GNAQ: variants seen among roughly 807,000 people sequenced by gnomAD.
The protein encoded by GNAQ is G protein subunit alpha q, also known as guanine nucleotide-binding protein G(q) subunit alpha.
Under a neutral mutation model 43.9 loss-of-function variants are expected in GNAQ, and 8 were observed. The ratio of observed to expected loss-of-function variants is 0.18; its 90% CI spans 0.11 to 0.33. The LOEUF is 0.33. GNAQ is among the 10% of genes least tolerant of loss of function. GNAQ has a pLI of 1.00. For missense variants in GNAQ, 158 were observed against 450.8 expected, an observed-to-expected ratio of 0.35 and a Z score of 5.88; for synonymous variants, 155 against 170.7, an observed-to-expected ratio of 0.91 and a Z score of 0.71.
chr9:77,773,925 A>T (rs1483906867), intron 5 of GNAQ, among the ~76,000 whole-genome samples: 1 of 152,176 alleles, frequency 6.6e-6, no homozygotes, highest in Non-Finnish European at 1.5e-5. Context: ...ATAGAATAAC[A>T]AAGCCACAGC....
chr9:77,842,125 A>AC (rs1456138672), intron 2 of GNAQ, among the ~76,000 whole-genome samples: 47 of 152,154 alleles, frequency 3.1e-4, no homozygotes, highest in Admixed American at 6.5e-5. Context: ...ATTAAGGTGA[A>AC]CTCCTTGACT....
At chr9:77,929,755 A>G (rs1829122677) in intron 1 of GNAQ, among the ~76,000 whole-genome samples, 2 of 152,136 alleles carry the variant, frequency 1.3e-5, no homozygotes, top group African/African-American at 4.8e-5. Context: ...AATTGAACCC[A>G]AGAGGCGAAA....
Position 77,766,698 on chromosome 9 carries a change from G to C in GNAQ, c.735+27765C>G, listed in dbSNP as rs200821916. On this transcript the variant is annotated intron_variant, in intron 5 of 6. Coordinates refer to ENST00000286548, the MANE Select transcript of GNAQ (RefSeq NM_002072.5). ...ATAGTGTTCAGATGCCTGGGTTGCT[G>C]TTATGCACCGTTTTTTGCTACCACA... 1.4e-4 allele frequency among the ~76,000 whole-genome samples: 21 copies of C among 152,244 alleles called. No homozygotes were observed. The East Asian group carries it at 3.5e-3, about 25-fold the overall frequency.
intron 2 of GNAQ, among the ~76,000 whole-genome samples, chr9:77,863,893 C>T (rs1827903186): frequency 6.6e-6 from 1 of 152,114 alleles, no homozygotes; most frequent in South Asian, 2.1e-4. Flanking sequence ...AGACCTGCCG[C>T]CATGATTCAA....
chr9:77,778,905 C>G (rs1450246303), intron 5 of GNAQ, among the ~76,000 whole-genome samples: 3 of 151,818 alleles, frequency 2.0e-5, no homozygotes, highest in African/African-American at 4.8e-5. Context: ...ATATCCCTAA[C>G]AAAAGAGCAT....
chr9:77,763,108 A>T lies in GNAQ; in HGVS notation c.735+31355T>A, dbSNP rs182366871. Among the ~76,000 whole-genome samples the T allele has an allele frequency of 4.8e-4, 66 of 137,400 alleles. No homozygotes were observed. The East Asian group carries it at 0.011, about 22-fold the overall frequency. The allele number at this position is 137,400 out of a possible 152,430, so 90.1% of individuals were successfully genotyped here. A position where few individuals can be genotyped will look rare whatever the true frequency, so the allele number is the denominator to read the frequency against. On this transcript the variant is annotated intron_variant, in intron 5 of 6. Coordinates refer to ENST00000286548, the MANE Select transcript of GNAQ (RefSeq NM_002072.5). ...AAGAATGATCAATAAAAATAAAATTAAAAAAAAACAAAAAAATAAACAAAC... is the reference window on the plus strand; with the variant it reads ...AAGAATGATCAATAAAAATAAAATTTAAAAAAAACAAAAAAATAAACAAAC...
chr9:77,755,601 A>G (rs1220524026), intron 5 of GNAQ, among the ~76,000 whole-genome samples: 1 of 152,178 alleles, frequency 6.6e-6, no homozygotes, highest in African/African-American at 2.4e-5. Context: ...CTAAGAAATT[A>G]TCTTCATTTT....
intron 1 of GNAQ, among the ~76,000 whole-genome samples, chr9:77,975,751 G>C (rs1388083200): frequency 6.8e-6 from 1 of 148,118 alleles, no homozygotes; most frequent in African/African-American, 2.4e-5. Context: ...TGTTGGCCAG[G>C]ATGGTTGATC....
intron 1 of GNAQ, among the ~76,000 whole-genome samples, chr9:77,995,100 T>G (rs1020383300): frequency 1.1e-4 from 17 of 152,354 alleles, no homozygotes; most frequent in African/African-American, 3.4e-4. Flanking sequence ...AACATTTACA[T>G]AATCCTTACC....
chr9:77,926,519 A>G (rs1301946458), intron 1 of GNAQ, among the ~76,000 whole-genome samples: 2 of 152,192 alleles, frequency 1.3e-5, no homozygotes, highest in Non-Finnish European at 2.9e-5. Context: ...TGACCAATCT[A>G]AAGAAATATG....
At chr9:77,784,370 T>G (rs1826442102) in intron 5 of GNAQ, among the ~76,000 whole-genome samples, 1 of 152,190 alleles carries the variant, frequency 6.6e-6, no homozygotes, top group Admixed American at 6.5e-5. Context: ...AATTCCCAAA[T>G]TACATAAACG....
chr9:77,903,813 G>T (rs1158507446), intron 2 of GNAQ, among the ~76,000 whole-genome samples: 1 of 152,092 alleles, frequency 6.6e-6, no homozygotes, highest in Non-Finnish European at 1.5e-5. Context: ...TGAACTGCCA[G>T]TTTTCTAACT....
At chr9:77,838,906 T>C (rs1239212920) in intron 2 of GNAQ, among the ~76,000 whole-genome samples, 1 of 152,102 alleles carries the variant, frequency 6.6e-6, no homozygotes, top group East Asian at 1.9e-4. Flanking sequence ...TAGATAGTCT[T>C]TGTGACTCTG....
chr9:77,755,656 A>G (rs577139224), intron 5 of GNAQ, among the ~76,000 whole-genome samples: 2 of 152,194 alleles, frequency 1.3e-5, no homozygotes, highest in Non-Finnish European at 2.9e-5. Context: ...TATTGACTTC[A>G]TAACAGCATT....
At chr9:77,840,779 G>T (rs915873042) in intron 2 of GNAQ, among the ~76,000 whole-genome samples, 5 of 152,304 alleles carry the variant, frequency 3.3e-5, no homozygotes, top group African/African-American at 9.6e-5. Flanking sequence ...CAATGTGTTT[G>T]TCTCTAGGGA....
intron 2 of GNAQ, among the ~76,000 whole-genome samples, chr9:77,913,545 G>A (rs2118226831): frequency 6.6e-6 from 1 of 152,266 alleles, no homozygotes; most frequent in Non-Finnish European, 1.5e-5. Flanking sequence ...AAAGTTCTGT[G>A]AGGCACTGCT....
chr9:77,816,317 CA>C (rs1827013921), intron 2 of GNAQ, among the ~76,000 whole-genome samples: 1 of 152,068 alleles, frequency 6.6e-6, no homozygotes, highest in Non-Finnish European at 1.5e-5. Context: ...TTAATCTGGA[CA>C]ACAATGACAA....
At chr9:77,785,473 C>T (rs1007675497) in intron 5 of GNAQ, among the ~76,000 whole-genome samples, 5 of 152,178 alleles carry the variant, frequency 3.3e-5, no homozygotes, top group African/African-American at 1.2e-4. Flanking sequence ...GAAGCTAATA[C>T]AGGCAGTATC....
Position 78,031,732 on chromosome 9 carries a change from C to A in GNAQ, c.-497G>T, listed in dbSNP as rs2118635027. Among the ~76,000 whole-genome samples, 1 of 147,940 alleles carries A rather than the reference C, an allele frequency of 6.8e-6. No individual in the cohort carries two copies. The highest frequency in any genetic ancestry group is 2.4e-5 in the African/African-American group (1 of 41,052). On this transcript the variant is annotated 5_prime_UTR_variant, in exon 1 of 7. Coordinates refer to ENST00000286548, the MANE Select transcript of GNAQ (RefSeq NM_002072.5). Reference sequence around the variant, plus strand: ...GCCCGCTCCTCGCCGCCGCCTGACACGGCTCCCGGGCGCCCTCGGCCCTGT... The same window carrying A: ...GCCCGCTCCTCGCCGCCGCCTGACAAGGCTCCCGGGCGCCCTCGGCCCTGT...
Sources: gnomAD v4.1 joint callset for allele counts (sites outside exome capture counted in the v4.1 genomes callset) on GRCh38, gnomAD v4.1.1 for gene constraint, MANE v1.5 for transcripts, NCBI Gene and HGNC (gene_info 2026-07-23, HGNC 2026-07-21) for gene names.